Variants in CDH18 observed in about 807,000 individuals in gnomAD.
The protein encoded by CDH18 is cadherin 18, also known as cadherin-18.
In CDH18, 31 loss-of-function variants were observed where a neutral mutation model predicts 67.9. That is an observed-to-expected ratio of 0.46 (90% confidence interval 0.34 to 0.62). The LOEUF (loss-of-function observed/expected upper bound fraction) is 0.62, where lower values mean the gene tolerates loss of function less well. Ranked by LOEUF, CDH18 falls within the 20% of genes least tolerant of loss-of-function variation. The pLI, the probability that CDH18 is intolerant of heterozygous loss-of-function variation, is 0.01. For synonymous variants in CDH18, 362 were observed against 347.2 expected, an observed-to-expected ratio of 1.04 and a Z score of -0.48; for missense variants, 890 against 975.5, an observed-to-expected ratio of 0.91 and a Z score of 1.17.
intron 1 of CDH18, among the ~76,000 whole-genome samples, chr5:20,565,821 T>C (rs184120184): frequency 1.3e-5 from 2 of 152,124 alleles, no homozygotes; most frequent in Admixed American, 1.3e-4. Context: ...CACACTTTTC[T>C]GTCAACTAAC....
chr5:19,912,486 A>G (rs963083006), intron 2 of CDH18, among the ~76,000 whole-genome samples: 1 of 152,196 alleles, frequency 6.6e-6, no homozygotes, highest in African/African-American at 2.4e-5. Flanking sequence ...GAATAAAATC[A>G]AACCATTTTC....
At chr5:19,497,297 A>C (rs941766877) in intron 11 of CDH18, among the ~76,000 whole-genome samples, 1 of 152,210 alleles carries the variant, frequency 6.6e-6, no homozygotes. Flanking sequence ...ATGGATATCA[A>C]CCAAAGCTGT....
chr5:19,981,432 T>C (rs1799030538), intron 1 of CDH18, among the ~76,000 whole-genome samples: 1 of 152,170 alleles, frequency 6.6e-6, no homozygotes, highest in African/African-American at 2.4e-5. Context: ...AGCAGGCATT[T>C]ATTTCCTCAC....
At chr5:20,418,187 T>G (rs889176661) in intron 1 of CDH18, among the ~76,000 whole-genome samples, 1 of 148,886 alleles carries the variant, frequency 6.7e-6, no homozygotes, top group African/African-American at 2.5e-5. Context: ...GGAATTCTCC[T>G]GCCTCAGCCT....
chr5:19,936,426 A>C (rs1047095219), intron 2 of CDH18, among the ~76,000 whole-genome samples: 3 of 151,274 alleles, frequency 2.0e-5, no homozygotes, highest in African/African-American at 7.3e-5. Flanking sequence ...TTTAACCTGA[A>C]CTACTCTGAA....
At chr5:20,242,747 T>C (rs1371327128) in intron 2 of CDH18, among the ~76,000 whole-genome samples, 1 of 143,254 alleles carries the variant, frequency 7.0e-6, no homozygotes, top group African/African-American at 2.9e-5. Flanking sequence ...TTTAAAACCA[T>C]TTTTTAATTA....
intron 2 of CDH18, among the ~76,000 whole-genome samples, chr5:20,187,055 G>A (rs191687354): frequency 1.4e-3 from 214 of 151,816 alleles, no homozygotes; most frequent in African/African-American, 4.9e-3. Context: ...ATATAAATAC[G>A]GTATGATTTT....
At chr5:19,920,250 T>G (rs1356547729) in intron 2 of CDH18, among the ~76,000 whole-genome samples, 1 of 152,206 alleles carries the variant, frequency 6.6e-6, no homozygotes, top group Non-Finnish European at 1.5e-5. Context: ...CATTAGAAAT[T>G]AATAAGTAAA....
intron 2 of CDH18, among the ~76,000 whole-genome samples, chr5:19,974,564 A>G (rs2150345159): frequency 6.6e-6 from 1 of 150,900 alleles, no homozygotes; most frequent in African/African-American, 2.4e-5. Flanking sequence ...TCCAGAGCAC[A>G]CTTATGGGAA....
chr5:19,794,432 C>T (rs1776653142), intron 3 of CDH18, among the ~76,000 whole-genome samples: 1 of 152,074 alleles, frequency 6.6e-6, no homozygotes, highest in African/African-American at 2.4e-5. Flanking sequence ...TCCTGATTCT[C>T]AGTTCTTTTT....
At chr5:19,985,635 G>A (rs1400554908) in intron 1 of CDH18, among the ~76,000 whole-genome samples, 1 of 151,652 alleles carries the variant, frequency 6.6e-6, no homozygotes, top group Non-Finnish European at 1.5e-5. Flanking sequence ...ACAGCACCAA[G>A]GTTAAGAAGG....
intron 5 of CDH18, among the ~76,000 whole-genome samples, chr5:19,678,421 A>C (rs1217416075): frequency 1.3e-5 from 2 of 151,918 alleles, no homozygotes; most frequent in Non-Finnish European, 2.9e-5. Flanking sequence ...GTAATTCAGA[A>C]ATTATTTGAA....
At chr5:20,125,526 A>G (rs1748748810) in intron 2 of CDH18, among the ~76,000 whole-genome samples, 2 of 152,176 alleles carry the variant, frequency 1.3e-5, no homozygotes, top group African/African-American at 2.4e-5. Flanking sequence ...CATTGGGGAA[A>G]AAAAGACTAG....
intron 1 of CDH18, among the ~76,000 whole-genome samples, chr5:20,511,016 C>T (rs1364745712): frequency 1.3e-5 from 2 of 152,108 alleles, no homozygotes; most frequent in African/African-American, 4.8e-5. Flanking sequence ...GATCCTCACA[C>T]CATCCACCAG....
At chr5:19,785,682 ATATATATAT>A (rs1775694426) in intron 3 of CDH18, among the ~76,000 whole-genome samples, 25 of 20,838 alleles carry the variant, frequency 1.2e-3, no homozygotes, top group South Asian at 2.9e-3. Context: ...AAAAAAAAAT[ATATATATAT>A]ATATATATAT....
At chr5:20,448,636 A>T (rs919952778) in intron 1 of CDH18, among the ~76,000 whole-genome samples, 2 of 151,952 alleles carry the variant, frequency 1.3e-5, no homozygotes, top group Non-Finnish European at 2.9e-5. Context: ...TTTTCTCACT[A>T]CCTACCTCAG....
At chr5:19,631,447 A>C (rs2150181670) in intron 5 of CDH18, among the ~76,000 whole-genome samples, 1 of 152,244 alleles carries the variant, frequency 6.6e-6, no homozygotes, top group South Asian at 2.1e-4. Context: ...ACGTTTAAGA[A>C]ATATATTTTT....
At chr5:19,548,240 G>A (rs546009024) in intron 8 of CDH18, among the ~76,000 whole-genome samples, 1 of 151,676 alleles carries the variant, frequency 6.6e-6, no homozygotes, top group Non-Finnish European at 1.5e-5. Flanking sequence ...GTAACGATTT[G>A]CCTAGGTGAC....
intron 1 of CDH18, among the ~76,000 whole-genome samples, chr5:20,403,463 G>C (rs1340120580): frequency 2.6e-5 from 4 of 152,116 alleles, no homozygotes; most frequent in African/African-American, 4.8e-5. Context: ...AAATTACTCT[G>C]ATCCATAGGC....
Sources: allele counts gnomAD v4.1 joint callset (sites outside exome capture counted in the v4.1 genomes callset), GRCh38; gene constraint gnomAD v4.1.1; transcripts MANE v1.5; gene names NCBI Gene and HGNC (gene_info 2026-07-23, HGNC 2026-07-21).